Variants in AMD1 observed in about 807,000 individuals in gnomAD.
AMD1 encodes the protein S-adenosylmethionine decarboxylase proenzyme.
Under a neutral mutation model 40.2 loss-of-function variants are expected in AMD1, and 11 were observed. The observed-to-expected ratio is 0.27, with a 90% CI of 0.17 to 0.45. The LOEUF (loss-of-function observed/expected upper bound fraction) is 0.45. Ranked by LOEUF, AMD1 falls within the 20% of genes least tolerant of loss-of-function variation. AMD1 has a pLI of 1.00. For missense variants in AMD1, 257 were observed against 410.2 expected, an observed-to-expected ratio of 0.63 and a Z score of 3.23; for synonymous variants, 121 against 130.8, an observed-to-expected ratio of 0.93 and a Z score of 0.51.
At position 110,893,085 on chromosome 6, in the gene AMD1, T is replaced by C; in HGVS notation, c.864+20T>C. On this transcript the variant is annotated intron_variant, in intron 8 of 8. Coordinates refer to ENST00000368885, the MANE Select transcript of AMD1 (RefSeq NM_001634.6). ...AATCAGGTAATTTTATATTTTATTA[T>C]TAATCAGGTTATTTGATTTTTAAAA... The C allele has an allele frequency of 1.3e-6, 2 of 1,567,800 alleles. No individual in the cohort carries two copies. Among genetic ancestry groups the C allele is most frequent in the Non-Finnish European group, 1.7e-6 (2 of 1,157,442 alleles).
At chr6:110,875,477 C>T in intron 1 of AMD1, 1 of 406,306 alleles carries the variant, frequency 2.5e-6, no homozygotes, top group Non-Finnish European at 4.4e-6. Context: ...CGGCCGCGTG[C>T]TCAGGTAACG....
At chr6:110,841,100 A>G in the AMD1 span, among the ~76,000 whole-genome samples, 1 of 151,924 alleles carries the variant, frequency 6.6e-6, no homozygotes. Context: ...CGCAACCTCC[A>G]CCTCCTGGGT....
the AMD1 span, among the ~76,000 whole-genome samples, chr6:110,821,334 C>T: frequency 6.6e-6 from 1 of 152,132 alleles, no homozygotes; most frequent in Non-Finnish European, 1.5e-5. Context: ...CACAGTGGCT[C>T]ACGCCTGTAA....
chr6:110,845,038 C>CT, the AMD1 span, among the ~76,000 whole-genome samples: 1,304 of 122,244 alleles, frequency 0.011, 22 homozygotes, highest in South Asian at 0.027. Context: ...TGCCACAGAC[C>CT]TTTTTTTTTT....
chr6:110,870,172 G>C (rs569364431), upstream of AMD1, among the ~76,000 whole-genome samples: 3 of 152,310 alleles, frequency 2.0e-5, no homozygotes, highest in East Asian at 5.8e-4. Context: ...GGAGAACCCT[G>C]ATTGTAGTTT....
At position 110,890,310 on chromosome 6, in the gene AMD1, C is replaced by G; in HGVS notation, c.381C>G (p.His127Gln). The G allele has an allele frequency of 6.3e-7, 1 of 1,599,850 alleles. No individual in the cohort carries two copies. Among genetic ancestry groups the G allele is most frequent in the Non-Finnish European group, 8.5e-7 (1 of 1,176,932 alleles). Residue 127 changes from histidine to glutamine, a missense_variant, in exon 4 of 9, where the codon CAC (histidine) becomes CAG (glutamine). Physicochemically the swap from His to Gln is conservative, Grantham distance 24 (BLOSUM62 0). This residue lies in a region of AMD1 where 192 missense variants were observed against 296.5 expected (regional missense o/e 0.65). Transcript: ENST00000368885. ...AGCCTTCTCACCAAGGGTACCCACA[C>G]CGGAATTTCCAGGAAGAAATAGAGT... ...FMKPSHQGYP[H>Q]RNFQEEIEFL...
At chr6:110,854,474 A>G in the AMD1 span, among the ~76,000 whole-genome samples, 1 of 151,544 alleles carries the variant, frequency 6.6e-6, no homozygotes, top group Non-Finnish European at 1.5e-5. Context: ...TTTGAAACGG[A>G]GTCTCATTCT....
chr6:110,814,761 G>T, the AMD1 span: 1 of 649,494 alleles, frequency 1.5e-6, no homozygotes, highest in Non-Finnish European at 2.8e-6. Context: ...CTCGGAGGGC[G>T]CCCCTCTGGG....
chr6:110,865,237 A>G, the AMD1 span, among the ~76,000 whole-genome samples: 1 of 152,340 alleles, frequency 6.6e-6, no homozygotes, highest in East Asian at 1.9e-4. Context: ...AGATGCCCAC[A>G]AATTAGGATG....
the AMD1 span, among the ~76,000 whole-genome samples, chr6:110,823,302 C>G: frequency 0.013 from 2,046 of 152,224 alleles, 49 homozygotes; most frequent in African/African-American, 0.047. Flanking sequence ...AGCATTTCCC[C>G]TGAGAGCTGG....
chr6:110,819,187 G>A, the AMD1 span, among the ~76,000 whole-genome samples: 4 of 151,986 alleles, frequency 2.6e-5, no homozygotes, highest in Admixed American at 1.3e-4. Flanking sequence ...GAGAAACCCC[G>A]TCTCTACTAC....
chr6:110,828,980 G>T, the AMD1 span, among the ~76,000 whole-genome samples: 2 of 152,210 alleles, frequency 1.3e-5, no homozygotes, highest in African/African-American at 4.8e-5. Flanking sequence ...GACCACCCTG[G>T]CCAACATGGT....
the AMD1 span, among the ~76,000 whole-genome samples, chr6:110,868,732 T>C: frequency 6.6e-6 from 1 of 152,128 alleles, no homozygotes; most frequent in Non-Finnish European, 1.5e-5. Flanking sequence ...TTATACATAG[T>C]TACTTTTGTT....
chr6:110,837,767 T>C, the AMD1 span, among the ~76,000 whole-genome samples: 1 of 108,752 alleles, frequency 9.2e-6, no homozygotes, highest in African/African-American at 3.6e-5. Flanking sequence ...TATATATATA[T>C]ATATATTCCT....
the AMD1 span, among the ~76,000 whole-genome samples, chr6:110,823,338 C>T: frequency 2.0e-5 from 3 of 152,154 alleles, no homozygotes; most frequent in African/African-American, 7.2e-5. Flanking sequence ...CCCACTTTCA[C>T]TTCTTCTACT....
chr6:110,841,895 T>C, the AMD1 span, among the ~76,000 whole-genome samples: 1 of 152,082 alleles, frequency 6.6e-6, no homozygotes, highest in Non-Finnish European at 1.5e-5. Context: ...CTCTGCCTCC[T>C]GGGATTGAGC....
chr6:110,855,280 A>G, the AMD1 span, among the ~76,000 whole-genome samples: 2 of 151,898 alleles, frequency 1.3e-5, no homozygotes, highest in African/African-American at 4.8e-5. Context: ...CTCTGTAACT[A>G]TATACTATAT....
chr6:110,829,483 T>A, the AMD1 span, among the ~76,000 whole-genome samples: 1 of 150,928 alleles, frequency 6.6e-6, no homozygotes, highest in Non-Finnish European at 1.5e-5. Context: ...ATCGAGACCA[T>A]CCTGGCTAAC....
At chr6:110,839,685 C>T in the AMD1 span, among the ~76,000 whole-genome samples, 1 of 151,788 alleles carries the variant, frequency 6.6e-6, no homozygotes, top group Non-Finnish European at 1.5e-5. Context: ...TTTAATTTTC[C>T]TTTTTTTTAG....
Sources: gnomAD v4.1 joint callset for allele counts (sites outside exome capture counted in the v4.1 genomes callset) on GRCh38, gnomAD v4.1.1 for gene constraint, gnomAD v4.1.1 regional missense constraint, MANE v1.5 for transcripts, NCBI Gene and HGNC (gene_info 2026-07-23, HGNC 2026-07-21) for gene names.